Variants in NCAM1 observed in about 807,000 individuals in gnomAD.
The protein encoded by NCAM1 is neural cell adhesion molecule 1, also known as antigen recognized by monoclonal antibody 5.1H11.
A neutral mutation model predicts 109.8 loss-of-function variants in NCAM1; 14 were observed. The ratio of observed to expected loss-of-function variants is 0.13; its 90% CI spans 0.08 to 0.20. The LOEUF is 0.20. Ranked by LOEUF, NCAM1 falls within the 10% of genes least tolerant of loss-of-function variation. The probability of loss-of-function intolerance (pLI) is 1.00; values close to 1 mark genes in which losing one functional copy is unlikely to be tolerated. For missense variants in NCAM1, 774 were observed against 1,109.9 expected (o/e 0.70, Z 4.30); for synonymous variants, 418 against 442.9 (o/e 0.94, Z 0.70).
At chr11:113,268,291 G>A (rs1166705521) in intron 17 of NCAM1, among the ~76,000 whole-genome samples, 1 of 152,210 alleles carries the variant, frequency 6.6e-6, no homozygotes, top group Non-Finnish European at 1.5e-5. Context: ...TCTAGCTGAC[G>A]GCTAAGGCCA....
intron 1 of NCAM1, among the ~76,000 whole-genome samples, chr11:113,157,018 A>G (rs1942432871): frequency 6.6e-6 from 1 of 152,162 alleles, no homozygotes; most frequent in Non-Finnish European, 1.5e-5. Context: ...TGGTTTACAC[A>G]TGTTGTTCCA....
At chr11:113,212,077 G>A (rs1184942777) in intron 7 of NCAM1, among the ~76,000 whole-genome samples, 3 of 152,130 alleles carry the variant, frequency 2.0e-5, no homozygotes, top group South Asian at 2.1e-4. Context: ...TTTTCAGTAG[G>A]GTGACCCAGC....
At position 113,270,147 on chromosome 11, in the gene NCAM1, T is replaced by A. The variant is rs1000017383; in HGVS notation, c.2132-41T>A. The A allele has an allele frequency of 1.9e-6, 3 of 1,601,650 alleles. No homozygotes were observed. In the African/African-American group the frequency reaches 4.0e-5, roughly 21 times the overall value. ...GCTGGCAGGGTCTGGAGGTCTCGCA[T>A]CTCAGTCTGTTAACCACCAGCCATC... On this transcript the variant is annotated intron_variant, in intron 17 of 19. Coordinates refer to ENST00000316851, the MANE Select transcript of NCAM1 (RefSeq NM_181351.5).
At chr11:112,999,489 T>C (rs903326913) in intron 1 of NCAM1, among the ~76,000 whole-genome samples, 1 of 152,088 alleles carries the variant, frequency 6.6e-6, no homozygotes, top group Non-Finnish European at 1.5e-5. Context: ...TCTTTTTTTG[T>C]TTTTTAGCTC....
At chr11:113,195,025 G>T (rs1555110585) in intron 1 of NCAM1, among the ~76,000 whole-genome samples, 2 of 152,202 alleles carry the variant, frequency 1.3e-5, no homozygotes, top group African/African-American at 4.8e-5. Context: ...TTGTGAGCCA[G>T]CTTTAAGCCA....
intron 1 of NCAM1, among the ~76,000 whole-genome samples, chr11:113,146,766 AG>A (rs1942033018): frequency 6.6e-6 from 1 of 152,116 alleles, no homozygotes. Context: ...TGTGGGATAG[AG>A]GGAAGCCAAG....
At chr11:113,265,191 A>C in intron 17 of NCAM1, 1 of 983,818 alleles carries the variant, frequency 1.0e-6, no homozygotes, top group African/African-American at 1.7e-5. Context: ...ATAACAGTTC[A>C]TGTGAACTCA....
intron 19 of NCAM1, chr11:113,272,826 T>C (rs577390385): frequency 2.3e-6 from 1 of 428,702 alleles, no homozygotes; most frequent in African/African-American, 2.0e-5. Context: ...CCTAACTGCA[T>C]GCCCCCACCC....
chr11:113,062,288 G>A (rs1488357149), intron 1 of NCAM1, among the ~76,000 whole-genome samples: 2 of 152,122 alleles, frequency 1.3e-5, no homozygotes, highest in Non-Finnish European at 2.9e-5. Flanking sequence ...CCACTGAGTG[G>A]TGTTCTGTCT....
At chr11:113,166,952 C>T (rs781902713) in intron 1 of NCAM1, among the ~76,000 whole-genome samples, 5 of 152,214 alleles carry the variant, frequency 3.3e-5, no homozygotes, top group Non-Finnish European at 5.9e-5. Flanking sequence ...ATCACTCACT[C>T]GTTCACTCCT....
At chr11:113,075,549 C>T (rs782143637) in intron 1 of NCAM1, among the ~76,000 whole-genome samples, 2 of 152,146 alleles carry the variant, frequency 1.3e-5, no homozygotes, top group Non-Finnish European at 2.9e-5. Flanking sequence ...CTTTTTGAAT[C>T]ACTAGCTGGG....
intron 1 of NCAM1, among the ~76,000 whole-genome samples, chr11:113,113,170 A>T (rs72995965): frequency 0.085 from 12,991 of 152,162 alleles, 712 homozygotes; most frequent in East Asian, 0.12. Context: ...CATGAGTCCA[A>T]TTAGCTACCG....
chr11:113,232,646 C>A, intron 11 of NCAM1, 72 bp from the exon 12 acceptor site: 1 of 1,201,354 alleles, frequency 8.3e-7, no homozygotes, highest in Non-Finnish European at 1.2e-6. Context: ...TAACTTAATT[C>A]AGTAAATAAA....
chr11:113,102,942 A>T (rs1939939144), intron 1 of NCAM1, among the ~76,000 whole-genome samples: 1 of 152,190 alleles, frequency 6.6e-6, no homozygotes, highest in Non-Finnish European at 1.5e-5. Flanking sequence ...ATTATTAGAC[A>T]CAAAATAAAC....
rs1945493882 is a variant in NCAM1 at position 113,246,095 on chromosome 11, A to G, written c.1826-273A>G. The G allele has an allele frequency of 1.2e-5, 6 of 519,632 alleles. No homozygotes were observed. The South Asian group carries it at 1.9e-4, about 17-fold the overall frequency. 32.2% of individuals were successfully genotyped at this position (519,632 alleles called of 1,614,324 possible). On this transcript the variant is annotated intron_variant, in intron 14 of 19. Coordinates refer to ENST00000316851, the MANE Select transcript of NCAM1 (RefSeq NM_181351.5). ...TGTTGTTAACCAAATGCTCTTTATG[A>G]TTTATTATTCTTCTATTTCTGGGCA...
chr11:112,973,003 G>A (rs1950923039), intron 1 of NCAM1, among the ~76,000 whole-genome samples: 1 of 152,096 alleles, frequency 6.6e-6, no homozygotes, highest in South Asian at 2.1e-4. Flanking sequence ...TTTTATGCCA[G>A]AGGAAATGAA....
intron 1 of NCAM1, among the ~76,000 whole-genome samples, chr11:113,190,623 C>T (rs1943648500): frequency 6.6e-6 from 1 of 152,298 alleles, no homozygotes; most frequent in East Asian, 1.9e-4. Context: ...CCAGGGACAG[C>T]TTCTCATTTG....
At chr11:113,241,843 C>G (rs1291556909) in intron 14 of NCAM1, among the ~76,000 whole-genome samples, 2 of 152,216 alleles carry the variant, frequency 1.3e-5, no homozygotes, top group Non-Finnish European at 2.9e-5. Flanking sequence ...CTTTATTCTC[C>G]TTGATATATC....
rs1356661534 is a variant in NCAM1 at position 113,273,190 on chromosome 11, A to G, written c.2456+1314A>G. 41 of 390,920 alleles carry G rather than the reference A, an allele frequency of 1.0e-4. No individual in the cohort carries two copies. The highest frequency in any genetic ancestry group is 8.5e-4 in the African/African-American group (41 of 48,036). 24.2% of individuals were successfully genotyped at this position (390,920 alleles called of 1,614,324 possible). A position where few individuals can be genotyped will look rare whatever the true frequency, so the allele number is the denominator to read the frequency against. The stretch of plus-strand genomic sequence containing the variant: ...TCCCCGGCCCCAGCTTCAGCCCCCA[A>G]GGTCGCCCCCCTCGTTGACCTGAGC... On this transcript the variant is annotated intron_variant, in intron 19 of 19. Coordinates refer to ENST00000316851, the MANE Select transcript of NCAM1 (RefSeq NM_181351.5). This position sits in a 1 kb window ranked among gnomAD's most constrained non-coding sequence, Gnocchi z 6.0.
Sources: gnomAD v4.1 joint callset for allele counts (sites outside exome capture counted in the v4.1 genomes callset) on GRCh38, gnomAD v4.1.1 for gene constraint, Gnocchi (gnomAD v3.1) non-coding constraint, MANE v1.5 for transcripts, NCBI Gene and HGNC (gene_info 2026-07-23, HGNC 2026-07-21) for gene names.